COL15A1: variants seen among roughly 807,000 people sequenced by gnomAD.
The protein encoded by COL15A1 is collagen type XV alpha 1 chain, also known as collagen alpha-1(XV) chain.
COL15A1 carries 111 observed loss-of-function variants against 165.9 expected under a neutral mutation model. The observed-to-expected ratio is 0.67, with a 90% CI of 0.57 to 0.78. COL15A1 has a LOEUF of 0.78. Ranked by LOEUF, COL15A1 falls within the 30% of genes least tolerant of loss-of-function variation. The probability of loss-of-function intolerance (pLI) is 0.00; values close to 1 mark genes in which losing one functional copy is unlikely to be tolerated. For missense variants in COL15A1, 1,745 were observed against 1,789.7 expected (o/e 0.98, Z 0.45); for synonymous variants, 659 against 674.8 (o/e 0.98, Z 0.36).
At chr9:98,970,960 G>A (rs563232851) in intron 2 of COL15A1, among the ~76,000 whole-genome samples, 10 of 152,278 alleles carry the variant, frequency 6.6e-5, no homozygotes, top group Middle Eastern at 3.4e-3. Flanking sequence ...GAACCTATGC[G>A]TGTGTATGAG....
chr9:99,015,744 C>T (rs917561619), intron 10 of COL15A1, among the ~76,000 whole-genome samples, 178 bp downstream of exon 10: 1 of 152,226 alleles, frequency 6.6e-6, no homozygotes. Flanking sequence ...GAGGCCACAG[C>T]CCTGCTCCCT....
chr9:99,040,045 T>G (rs1416744161), intron 22 of COL15A1, among the ~76,000 whole-genome samples: 1 of 152,232 alleles, frequency 6.6e-6, no homozygotes, highest in Non-Finnish European at 1.5e-5. Flanking sequence ...GCCATCTTCC[T>G]GTCTCCTCTG....
intron 16 of COL15A1, among the ~76,000 whole-genome samples, chr9:99,030,861 G>T (rs1839204181): frequency 6.6e-6 from 1 of 152,192 alleles, no homozygotes; most frequent in South Asian, 2.1e-4. Flanking sequence ...AGTTTGCAAT[G>T]GGCAGCCAGC....
intron 2 of COL15A1, among the ~76,000 whole-genome samples, chr9:98,980,522 C>T (rs762037917): frequency 1.1e-4 from 16 of 152,144 alleles, no homozygotes; most frequent in Non-Finnish European, 1.9e-4. Flanking sequence ...GCATGGGGCA[C>T]GCTGGGGCTG....
chr9:99,051,079 G>A (rs1036920464), intron 30 of COL15A1, among the ~76,000 whole-genome samples: 2 of 152,114 alleles, frequency 1.3e-5, no homozygotes, highest in African/African-American at 4.8e-5. Flanking sequence ...CTGGGCAGTC[G>A]CTGCATCCCA....
chr9:98,968,306 A>G (rs1351708532), intron 2 of COL15A1, among the ~76,000 whole-genome samples: 2 of 152,250 alleles, frequency 1.3e-5, no homozygotes, highest in East Asian at 3.8e-4. Context: ...AAACGACCAC[A>G]AACTGAGTGG....
In COL15A1 at chr9:99,055,101, G is replaced by A. The variant is rs1380201931; in HGVS notation, c.3032-1G>A. The A allele has an allele frequency of 6.2e-7, 1 of 1,610,704 alleles. No individual in the cohort carries two copies. Among genetic ancestry groups the A allele is most frequent in the Non-Finnish European group, 8.5e-7 (1 of 1,177,064 alleles). The stretch of plus-strand genomic sequence containing the variant: ...AATTTTACGAAGCATTTCTTTTTCA[G>A]GTCCTCCACTTGATCTAGCTTACCT... On this transcript the variant is annotated splice_acceptor_variant, in intron 32 of 41. Transcript: ENST00000375001. LOFTEE classifies it high-confidence loss of function.
At chr9:98,979,214 G>A (rs902782963) in intron 2 of COL15A1, among the ~76,000 whole-genome samples, 1 of 152,126 alleles carries the variant, frequency 6.6e-6, no homozygotes, top group African/African-American at 2.4e-5. Flanking sequence ...AACTTTATCT[G>A]TTAAAAAATT....
chr9:99,022,513 T>C (rs1051077603), intron 13 of COL15A1, among the ~76,000 whole-genome samples: 1 of 152,150 alleles, frequency 6.6e-6, no homozygotes, highest in Non-Finnish European at 1.5e-5. Context: ...TCCCCAGCCC[T>C]GCCCAGTGTG....
In COL15A1 at chr9:99,051,976, C is replaced by T. The variant is rs529624491; in HGVS notation, c.2905-412C>T. ...ATGCAATAGCTAAGCTAATGGCTGA[C>T]CCGGTTTCACGGTTGGGCATGTCAC... On this transcript the variant is annotated intron_variant, in intron 30 of 41. Transcript: ENST00000375001. Among the ~76,000 whole-genome samples the T allele has an allele frequency of 1.7e-3, 252 of 152,326 alleles. 3 individuals are homozygous for T. Among genetic ancestry groups the T allele is most frequent in the African/African-American group, 5.9e-3 (244 of 41,564 alleles).
At chr9:98,952,588 T>A (rs536163591) in intron 2 of COL15A1, among the ~76,000 whole-genome samples, 1 of 152,186 alleles carries the variant, frequency 6.6e-6, no homozygotes, top group African/African-American at 2.4e-5. Flanking sequence ...AGTCTCTCTA[T>A]GTTGCCCAGG....
intron 31 of COL15A1, among the ~76,000 whole-genome samples, chr9:99,054,152 A>G (rs1467616559): frequency 3.9e-5 from 6 of 152,120 alleles, no homozygotes; most frequent in Admixed American, 3.3e-4. Context: ...CTCTTGGGAG[A>G]GCCCTCCTGT....
At chr9:98,959,009 T>C (rs1363378282) in intron 2 of COL15A1, among the ~76,000 whole-genome samples, 1 of 152,046 alleles carries the variant, frequency 6.6e-6, no homozygotes, top group African/African-American at 2.4e-5. Context: ...TGTGCTCAGC[T>C]CCTGTCATCT....
At chr9:99,049,567 TGA>T in intron 28 of COL15A1, 121 bp from the exon 29 acceptor site, 2 of 1,227,832 alleles carry the variant, frequency 1.6e-6, no homozygotes, top group Non-Finnish European at 2.3e-6. Context: ...CTGAGCAACC[TGA>T]GAGAGAAGTT....
intron 2 of COL15A1, among the ~76,000 whole-genome samples, chr9:98,946,355 AG>A (rs1837583758): frequency 6.6e-6 from 1 of 152,150 alleles, no homozygotes; most frequent in African/African-American, 2.4e-5. Context: ...CCTAGTGTGT[AG>A]TTAGAAGAGC....
intron 7 of COL15A1, 84 bp downstream of exon 7, chr9:99,001,035 C>A: frequency 2.7e-6 from 2 of 734,154 alleles, no homozygotes; most frequent in Admixed American, 2.0e-5. Context: ...TTACTGAGCA[C>A]CAGAGAGAAC....
At chr9:99,040,693 AT>A in intron 23 of COL15A1, 137 bp downstream of exon 23, 2 of 1,505,482 alleles carry the variant, frequency 1.3e-6, no homozygotes, top group Non-Finnish European at 1.8e-6. Context: ...TTTTCTTGAT[AT>A]TTTTGATAGA....
At chr9:99,009,039 C>T (rs578036650) in intron 9 of COL15A1, among the ~76,000 whole-genome samples, 1 of 152,350 alleles carries the variant, frequency 6.6e-6, no homozygotes, top group African/African-American at 2.4e-5. Flanking sequence ...TAAAAGTCCA[C>T]AGTTAACTCC....
At chr9:99,048,996 T>C (rs1839539799) in intron 28 of COL15A1, among the ~76,000 whole-genome samples, 1 of 152,110 alleles carries the variant, frequency 6.6e-6, no homozygotes, top group Admixed American at 6.5e-5. Context: ...CCTGAAGCAT[T>C]AGGGGTTGAG....
Sources: gnomAD v4.1 joint callset for allele counts (sites outside exome capture counted in the v4.1 genomes callset) on GRCh38, gnomAD v4.1.1 for gene constraint, MANE v1.5 for transcripts, NCBI Gene and HGNC (gene_info 2026-07-23, HGNC 2026-07-21) for gene names.